The following MYEF2 variants were observed in gnomAD, a reference collection of about 807,000 sequenced individuals.
The protein encoded by MYEF2 is myelin gene expression factor 2.
In MYEF2, 37 loss-of-function variants were observed where a neutral mutation model predicts 75.2. The ratio of observed to expected loss-of-function variants is 0.49; its 90% CI spans 0.38 to 0.65. The LOEUF (loss-of-function observed/expected upper bound fraction) is 0.65. Among genes scored for constraint, MYEF2 ranks in the 30% least tolerant of loss-of-function variants. MYEF2 has a pLI of 0.00. For missense variants in MYEF2, 634 were observed against 771.4 expected, an observed-to-expected ratio of 0.82 and a Z score of 2.11; for synonymous variants, 195 against 241.6, an observed-to-expected ratio of 0.81 and a Z score of 1.79.
In MYEF2 at chr15:48,137,604, G is replaced by A. The variant is rs1358824042; in HGVS notation, c.*5304C>T. 3 of 152,118 alleles carry A rather than the reference G, an allele frequency of 2.0e-5. No homozygotes were observed. The highest frequency in any genetic ancestry group is 4.4e-5 in the Non-Finnish European group (3 of 68,048). 9.4% of individuals were successfully genotyped at this position (152,118 alleles called of 1,614,324 possible). On this transcript the variant is annotated 3_prime_UTR_variant, in exon 17 of 17. Transcript: ENST00000324324. Reference sequence around the variant, plus strand: ...ATTACAACAGCTGATGTGTTTACTAGGTGCCTAGACCAAGTGAAAGTGGTG... The same window carrying A: ...ATTACAACAGCTGATGTGTTTACTAAGTGCCTAGACCAAGTGAAAGTGGTG...
chr15:48,142,090 T>C lies in MYEF2; in HGVS notation c.*818A>G. ...CCAATGTGTTTGATATGTTGTGCCT[T>C]GGTATTCCATGGTTTATTAAAACTG... On this transcript the variant is annotated 3_prime_UTR_variant, in exon 17 of 17. Transcript: ENST00000324324. 6.2e-7 allele frequency: 1 copy of C among 1,613,912 alleles called. No homozygotes were observed. Among genetic ancestry groups the C allele is most frequent in the Non-Finnish European group, 8.5e-7 (1 of 1,179,886 alleles).
intron 1 of MYEF2, among the ~76,000 whole-genome samples, chr15:48,176,217 A>T (rs1401693643): frequency 2.0e-5 from 3 of 146,914 alleles, no homozygotes; most frequent in Non-Finnish European, 3.0e-5. Context: ...TAGTTCACGA[A>T]GTAAAAAAAA....
At chr15:48,177,841 C>A (rs1347362445) in intron 1 of MYEF2, among the ~76,000 whole-genome samples, 2 of 152,152 alleles carry the variant, frequency 1.3e-5, no homozygotes, top group Non-Finnish European at 2.9e-5. Context: ...CAGGGAAGAG[C>A]GCTGGTCCCC....
intron 9 of MYEF2, 148 bp from the exon 10 acceptor site, chr15:48,154,041 C>T: frequency 5.2e-6 from 3 of 581,892 alleles, no homozygotes; most frequent in Non-Finnish European, 9.0e-6. Flanking sequence ...TTGTTTTTGT[C>T]TAGAAAGTAG....
At chr15:48,174,641 A>T (rs934824993) in intron 1 of MYEF2, among the ~76,000 whole-genome samples, 3 of 152,146 alleles carry the variant, frequency 2.0e-5, no homozygotes, top group African/African-American at 7.2e-5. Context: ...ATCCAAACAG[A>T]TAATTTTTCC....
rs1280918139 is a variant in MYEF2, at chr15:48,178,138, G to A, written c.100C>T (p.His34Tyr). 6.3e-7 allele frequency: 1 copy of A among 1,581,060 alleles called. No homozygotes were observed. The highest frequency in any genetic ancestry group is 8.6e-7 in the Non-Finnish European group (1 of 1,164,480). The change falls in exon 1 of 17, where the codon CAC becomes TAC. Residue 34 changes from histidine (H) to tyrosine (Y), a missense_variant. By Grantham distance (83) the His-to-Tyr change is moderately conservative (BLOSUM62 2). Transcript: ENST00000324324. ...TGCTGCTTCTCCGCCTCCGCGGGGTGCGGCTCTCGCCGCGGCTCGCCCGGC... is the reference window on the plus strand; with the variant it reads ...TGCTGCTTCTCCGCCTCCGCGGGGTACGGCTCTCGCCGCGGCTCGCCCGGC... The part of the protein sequence containing the change: ...EPPGEPRREP[H>Y]PAEAEKQQPQ...
At chr15:48,175,322 G>A (rs955960370) in intron 1 of MYEF2, among the ~76,000 whole-genome samples, 5 of 152,090 alleles carry the variant, frequency 3.3e-5, no homozygotes, top group African/African-American at 1.2e-4. Context: ...GGGCAGCAGG[G>A]GATGGGGAAA....
chr15:48,178,089 T>C lies in MYEF2; in HGVS notation c.149A>G (p.Asn50Ser), dbSNP rs1486702295. The C allele has an allele frequency of 6.3e-7, 1 of 1,599,908 alleles. No individual in the cohort carries two copies. Among genetic ancestry groups the C allele is most frequent in the Non-Finnish European group, 8.5e-7 (1 of 1,173,676 alleles). The change falls in exon 1 of 17, where the codon AAT becomes AGT. Residue 50 changes from asparagine (N) to serine (S), a missense_variant. Transcript: ENST00000324324. ...KQQPQHSSSS[N>S]GVKMENDESA... ...GAAAAGACAATACATTTTAACGCCA[T>C]TGGAGCTGCTGCTGTGCTGCGGCTG...
chr15:48,153,943 T>C, intron 9 of MYEF2, 50 bp from the exon 10 acceptor site: 1 of 1,479,312 alleles, frequency 6.8e-7, no homozygotes, highest in African/African-American at 1.4e-5. Flanking sequence ...TATGATTAAC[T>C]AATTGGCAAT....
rs2470102 is a variant in MYEF2, at chr15:48,141,297, A to G, written c.*1611T>C. On this transcript the variant is annotated 3_prime_UTR_variant, in exon 17 of 17. Transcript: ENST00000324324. ...AGTAGCTTTAAAAATGTTTACTTCC[A>G]GCCGGGTGTGGTGGCTCGCGCCTGT... The G allele has an allele frequency of 0.11, 126,603 of 1,188,128 alleles. 39,059 individuals carry two copies. Among genetic ancestry groups the G allele is most frequent in the African/African-American group, 0.81 (52,588 of 65,210 alleles). 73.6% of individuals were successfully genotyped at this position (1,188,128 alleles called of 1,614,324 possible). A position where few individuals can be genotyped will look rare whatever the true frequency, so the allele number is the denominator to read the frequency against.
intron 16 of MYEF2, among the ~76,000 whole-genome samples, chr15:48,147,222 CA>C (rs1369651497): frequency 6.6e-6 from 1 of 151,788 alleles, no homozygotes; most frequent in Non-Finnish European, 1.5e-5. Flanking sequence ...GTCCTCATGT[CA>C]AAACAATGCC....
In MYEF2 at chr15:48,135,049, T is replaced by C; in HGVS notation, c.*7859A>G. On this transcript the variant is annotated 3_prime_UTR_variant, in exon 17 of 17. Coordinates refer to ENST00000324324, the MANE Select transcript of MYEF2 (RefSeq NM_016132.5). The stretch of plus-strand genomic sequence containing the variant: ...TTATGAATTTCTGATGGTTCAGTAA[T>C]TTTTTTTCAGAAATGTTATTTCAGT... 1 of 1,285,480 alleles carries C rather than the reference T, an allele frequency of 7.8e-7. No individual in the cohort carries two copies. The highest frequency in any genetic ancestry group is 1.1e-6 in the Non-Finnish European group (1 of 897,934). The allele number at this position is 1,285,480 out of a possible 1,614,324, so 79.6% of individuals were successfully genotyped here.
intron 5 of MYEF2, among the ~76,000 whole-genome samples, chr15:48,160,391 A>G (rs2140890438): frequency 6.6e-6 from 1 of 152,076 alleles, no homozygotes; most frequent in Admixed American, 6.6e-5. Context: ...AAGGAGGGCT[A>G]AATGTCCAAG....
intron 1 of MYEF2, among the ~76,000 whole-genome samples, chr15:48,175,726 C>A (rs1318441302): frequency 6.6e-6 from 1 of 152,074 alleles, no homozygotes; most frequent in Non-Finnish European, 1.5e-5. Flanking sequence ...TCAATCTCTA[C>A]CTACTCCAAA....
Position 48,158,076 on chromosome 15 carries a change from T to C in MYEF2, c.922-20A>G. The C allele has an allele frequency of 6.2e-7, 1 of 1,612,578 alleles. No homozygotes were observed. Among genetic ancestry groups the C allele is most frequent in the Non-Finnish European group, 8.5e-7 (1 of 1,178,940 alleles). On this transcript the variant is annotated intron_variant, in intron 8 of 16. Transcript: ENST00000324324. ...GTCATCCTAATTGCAAGAAAGTTTA[T>C]AATATGGTTAACATATTACCACAAA...
intron 6 of MYEF2, 72 bp downstream of exon 6, chr15:48,159,541 C>A (rs2039852533): frequency 7.4e-7 from 1 of 1,355,618 alleles, no homozygotes; most frequent in Non-Finnish European, 1.0e-6. Flanking sequence ...TTCTATAAAC[C>A]TATAACTCAT....
chr15:48,134,938 A>G lies in MYEF2; in HGVS notation c.*7970T>C, dbSNP rs201321591. The stretch of plus-strand genomic sequence containing the variant: ...CAGAGACTGTGCAGCGTACACAATT[A>G]GTGCAGCAGCAGTTCTTGGTATAAT... On this transcript the variant is annotated 3_prime_UTR_variant, in exon 17 of 17. Coordinates refer to ENST00000324324, the MANE Select transcript of MYEF2 (RefSeq NM_016132.5). 1.2e-5 allele frequency: 20 copies of G among 1,612,382 alleles called. No individual in the cohort carries two copies. The highest frequency in any genetic ancestry group is 1.6e-4 in the Middle Eastern group (1 of 6,078).
intron 16 of MYEF2, among the ~76,000 whole-genome samples, chr15:48,147,667 C>G (rs1309116381): frequency 6.6e-6 from 1 of 152,018 alleles, no homozygotes; most frequent in Non-Finnish European, 1.5e-5. Flanking sequence ...GACTATTAAC[C>G]AGTTAACTTG....
chr15:48,139,580 C>T lies in MYEF2; in HGVS notation c.*3328G>A, dbSNP rs188057107. On this transcript the variant is annotated 3_prime_UTR_variant, in exon 17 of 17. Transcript: ENST00000324324. Reference sequence around the variant, plus strand: ...GCAAGGAGCTCTATTTTTGGGAAAACAATGGGTGCTCACTGCTTAACTGGA... The same window carrying T: ...GCAAGGAGCTCTATTTTTGGGAAAATAATGGGTGCTCACTGCTTAACTGGA... The T allele has an allele frequency of 1.6e-3, 240 of 154,350 alleles. 1 individual carries two copies. Among genetic ancestry groups the T allele is most frequent in the Middle Eastern group, 0.01 (3 of 290 alleles). 9.6% of individuals were successfully genotyped at this position (154,350 alleles called of 1,614,324 possible).
Sources: allele counts gnomAD v4.1 joint callset (sites outside exome capture counted in the v4.1 genomes callset), GRCh38; gene constraint gnomAD v4.1.1; transcripts MANE v1.5; gene names NCBI Gene and HGNC (gene_info 2026-07-23, HGNC 2026-07-21).